Variants in FLRT2 observed in about 807,000 individuals in gnomAD.
The protein encoded by FLRT2 is fibronectin leucine rich transmembrane protein 2.
A neutral mutation model predicts 40.0 loss-of-function variants in FLRT2; 15 were observed. The ratio of observed to expected loss-of-function variants is 0.38; its 90% CI spans 0.25 to 0.58. FLRT2 has a LOEUF of 0.58. Ranked by LOEUF, FLRT2 falls within the 20% of genes least tolerant of loss-of-function variation. FLRT2 has a pLI of 0.71. For synonymous variants in FLRT2, 380 were observed against 336.8 expected (o/e 1.13, Z -1.41); for missense variants, 726 against 840.0 (o/e 0.86, Z 1.68).
intron 1 of FLRT2, among the ~76,000 whole-genome samples, chr14:85,592,499 T>C (rs111654499): frequency 0.023 from 3,478 of 152,148 alleles, 137 homozygotes; most frequent in African/African-American, 0.08. Context: ...GGTGAAAATC[T>C]GGAATCAGCC....
intron 1 of FLRT2, among the ~76,000 whole-genome samples, chr14:85,567,635 ATTTTT>A (rs34161461): frequency 1.3e-5 from 1 of 75,062 alleles, no homozygotes; most frequent in Non-Finnish European, 2.7e-5. Context: ...AGTGACTTAC[ATTTTT>A]TTTTTTTTTT....
rs71120529 is a variant in FLRT2, at chr14:85,611,917, C to CGTGTGTGTGT, written c.-376-9185_-376-9176dup. Reference sequence around the variant, plus strand: ...GAGAGAGAGCGCGCGTGCGCGAAAGCGTGTGTGTGTGTGTGTGTGTGTGTG... The same window carrying CGTGTGTGTGT: ...GAGAGAGAGCGCGCGTGCGCGAAAGCGTGTGTGTGTGTGTGTGTGTGTGTGTGTGTGTGTG... On this transcript the variant is annotated intron_variant, in intron 1 of 1. Transcript: ENST00000330753. Among the ~76,000 whole-genome samples the CGTGTGTGTGT allele has an allele frequency of 9.5e-3, 1,246 of 130,944 alleles. 19 individuals carry two copies. The highest frequency in any genetic ancestry group is 0.016 in the Non-Finnish European group (982 of 61,776). The allele number at this position is 130,944 out of a possible 152,430, so 85.9% of individuals were successfully genotyped here. A position where few individuals can be genotyped will look rare whatever the true frequency, so the allele number is the denominator to read the frequency against.
chr14:85,611,011 T>C (rs990785380), intron 1 of FLRT2, among the ~76,000 whole-genome samples: 16 of 152,286 alleles, frequency 1.1e-4, no homozygotes, highest in African/African-American at 3.9e-4. Flanking sequence ...ATCTCCTGCC[T>C]CAGCTTCCAA....
intron 1 of FLRT2, among the ~76,000 whole-genome samples, chr14:85,539,413 T>G (rs567595794): frequency 6.6e-6 from 1 of 152,236 alleles, no homozygotes; most frequent in South Asian, 2.1e-4. Flanking sequence ...ATATTTTGAT[T>G]TAAAATAATA....
At chr14:85,556,732 T>C (rs1889982968) in intron 1 of FLRT2, among the ~76,000 whole-genome samples, 1 of 152,244 alleles carries the variant, frequency 6.6e-6, no homozygotes, top group Admixed American at 6.5e-5. Flanking sequence ...AGAATAGTGC[T>C]TGGCACATGG....
Position 85,621,897 on chromosome 14 carries a change from C to A in FLRT2, c.383C>A (p.Ala128Asp). Residue 128 changes from alanine to aspartate, a missense_variant, in exon 2 of 2, where the codon GCT becomes GAT. This residue lies in a region of FLRT2 where 611 missense variants were observed against 690.0 expected (regional missense o/e 0.89). Coordinates refer to ENST00000330753, the MANE Select transcript of FLRT2 (RefSeq NM_013231.6). Reference sequence around the variant, plus strand: ...AATATTCAGACCATTTCACGGGCTGCTCTTGCCCAGCTCTTGAAGCTTGAA... The same window carrying A: ...AATATTCAGACCATTTCACGGGCTGATCTTGCCCAGCTCTTGAAGCTTGAA... ...ENNIQTISRA[A>D]LAQLLKLEEL... is the part of the protein sequence containing the mutation. 1 of 1,605,970 alleles carries A rather than the reference C, an allele frequency of 6.2e-7. No individual in the cohort carries two copies. The highest frequency in any genetic ancestry group is 8.5e-7 in the Non-Finnish European group (1 of 1,175,284).
intron 1 of FLRT2, among the ~76,000 whole-genome samples, chr14:85,616,151 T>C (rs781367004): frequency 1.9e-4 from 29 of 152,144 alleles, no homozygotes; most frequent in Non-Finnish European, 4.0e-4. Context: ...GCATTTTTTT[T>C]GCATGTTGAT....
At chr14:85,589,215 C>G (rs760789182) in intron 1 of FLRT2, among the ~76,000 whole-genome samples, 55 of 152,180 alleles carry the variant, frequency 3.6e-4, no homozygotes, top group Non-Finnish European at 1.3e-4. Flanking sequence ...TTATGCTAAC[C>G]TGCATTCCCA....
At position 85,649,962 on chromosome 14, in the gene FLRT2, G is replaced by A. The variant is rs1346504367; in HGVS notation, c.*26465G>A. The A allele has an allele frequency of 6.6e-6, 1 of 151,878 alleles. No individual in the cohort carries two copies. The highest frequency in any genetic ancestry group is 1.9e-4 in the East Asian group (1 of 5,174). The allele number at this position is 151,878 out of a possible 1,614,324, so 9.4% of individuals were successfully genotyped here. A position where few individuals can be genotyped will look rare whatever the true frequency, so the allele number is the denominator to read the frequency against. ...GAAAATATTTTAATAACACAAGAAAGTAAAGAAAGTAATACAAGGAACACT... is the reference window on the plus strand; with the variant it reads ...GAAAATATTTTAATAACACAAGAAAATAAAGAAAGTAATACAAGGAACACT... On this transcript the variant is annotated 3_prime_UTR_variant, in exon 2 of 2. Coordinates refer to ENST00000330753, the MANE Select transcript of FLRT2 (RefSeq NM_013231.6).
chr14:85,622,213 G>T lies in FLRT2; in HGVS notation c.699G>T (p.Lys233Asn), dbSNP rs997542981. The change falls in exon 2 of 2, where the codon AAG becomes AAT. Residue 233 changes from lysine to asparagine, a missense_variant. By Grantham distance (94) the Lys-to-Asn change is moderately conservative. Transcript: ENST00000330753. ...EGTFSHLTKL[K>N]EFSIVRNSLS... ...CCTTCAGCCATCTCACCAAGCTCAA[G>T]GAATTTTCAATTGTACGTAATTCGC... 1 of 1,613,966 alleles carries T rather than the reference G, an allele frequency of 6.2e-7. No homozygotes were observed. Among genetic ancestry groups the T allele is most frequent in the African/African-American group, 1.3e-5 (1 of 74,880 alleles).
Position 85,585,379 on chromosome 14 carries a change from G to A in FLRT2, c.-376-35760G>A, listed in dbSNP as rs116707263. ...AGGGCAGTATTTATATTGTCACTGC[G>A]TTCAGGCTGCCTTCCCCATTTGATG... On this transcript the variant is annotated intron_variant, in intron 1 of 1. Coordinates refer to ENST00000330753, the MANE Select transcript of FLRT2 (RefSeq NM_013231.6). Among the ~76,000 whole-genome samples the A allele has an allele frequency of 4.7e-3, 722 of 152,220 alleles. 5 individuals are homozygous for A. The highest frequency in any genetic ancestry group is 0.017 in the African/African-American group (689 of 41,532).
chr14:85,582,669 G>C (rs1451510048), intron 1 of FLRT2, among the ~76,000 whole-genome samples: 4 of 151,968 alleles, frequency 2.6e-5, no homozygotes, highest in African/African-American at 9.7e-5. Context: ...GTAAACCATA[G>C]CTATTGCCAT....
Position 85,635,509 on chromosome 14 carries a change from ATTGT to A in FLRT2, c.*12015_*12018del, listed in dbSNP as rs1396621712. ...TCGTACAATAAAAATTGTATAAAAAATTGTTTATTAAAATATTAAATATTTTATG... is the reference window on the plus strand; with the variant it reads ...TCGTACAATAAAAATTGTATAAAAAATTATTAAAATATTAAATATTTTATG... On this transcript the variant is annotated 3_prime_UTR_variant, in exon 2 of 2. Transcript: ENST00000330753. The A allele has an allele frequency of 6.6e-6, 1 of 152,106 alleles. No individual in the cohort carries two copies. Among genetic ancestry groups the A allele is most frequent in the Non-Finnish European group, 1.5e-5 (1 of 67,966 alleles). 9.4% of individuals were successfully genotyped at this position (152,106 alleles called of 1,614,324 possible). A position where few individuals can be genotyped will look rare whatever the true frequency, so the allele number is the denominator to read the frequency against.
chr14:85,554,240 C>A (rs1889819216), intron 1 of FLRT2, among the ~76,000 whole-genome samples: 1 of 152,156 alleles, frequency 6.6e-6, no homozygotes, highest in African/African-American at 2.4e-5. Context: ...GTTCAAAGTG[C>A]TAGTTTAAAT....
intron 1 of FLRT2, among the ~76,000 whole-genome samples, chr14:85,559,610 A>G (rs948793567): frequency 6.6e-6 from 1 of 152,112 alleles, no homozygotes; most frequent in Non-Finnish European, 1.5e-5. Flanking sequence ...TCTACCCATG[A>G]TTATACGTTG....
chr14:85,582,600 C>T (rs1428040172), intron 1 of FLRT2, among the ~76,000 whole-genome samples: 1 of 152,086 alleles, frequency 6.6e-6, no homozygotes, highest in Non-Finnish European at 1.5e-5. Flanking sequence ...TATAATCCTA[C>T]TGTGTGAATT....
intron 1 of FLRT2, among the ~76,000 whole-genome samples, chr14:85,546,328 C>T (rs1468825387): frequency 6.6e-6 from 1 of 152,162 alleles, no homozygotes; most frequent in Non-Finnish European, 1.5e-5. Context: ...CTTTAAGTAG[C>T]TAGACTGTGG....
chr14:85,621,596 T>C lies in FLRT2; in HGVS notation c.82T>C (p.Ser28Pro). ...SWLIISLGLYSQVSKLLACPS... is the reference protein window; with the variant it reads ...SWLIISLGLYPQVSKLLACPS... ...GCTTATCATTTCCCTGGGGCTCTACTCACAGGTGTCCAAACTCCTGGCCTG... is the reference window on the plus strand; with the variant it reads ...GCTTATCATTTCCCTGGGGCTCTACCCACAGGTGTCCAAACTCCTGGCCTG... The change falls in exon 2 of 2, where the codon TCA (serine) becomes CCA (proline). Residue 28 changes from serine to proline, a missense_variant. Around this residue, in one of 3 missense-constraint regions of FLRT2, gnomAD observed 106 missense variants for 121.2 expected, o/e 0.87. Coordinates refer to ENST00000330753, the MANE Select transcript of FLRT2 (RefSeq NM_013231.6). The C allele has an allele frequency of 6.2e-7, 1 of 1,614,166 alleles. No individual in the cohort carries two copies. Among genetic ancestry groups the C allele is most frequent in the Non-Finnish European group, 8.5e-7 (1 of 1,180,038 alleles).
intron 1 of FLRT2, among the ~76,000 whole-genome samples, chr14:85,601,731 T>A (rs1428666405): frequency 6.6e-6 from 1 of 152,242 alleles, no homozygotes. Context: ...TCAAACAAGA[T>A]GCATCAGAGA....
Sources: allele counts gnomAD v4.1 joint callset (sites outside exome capture counted in the v4.1 genomes callset), GRCh38; gene constraint gnomAD v4.1.1; regional missense constraint gnomAD v4.1.1; transcripts MANE v1.5; gene names NCBI Gene and HGNC (gene_info 2026-07-23, HGNC 2026-07-21).